NRG3: variants seen among roughly 807,000 people sequenced by gnomAD.
NRG3 encodes the protein neuregulin 3.
In NRG3, 31 loss-of-function variants were observed where a neutral mutation model predicts 66.9. The observed-to-expected ratio is 0.46, with a 90% CI of 0.35 to 0.63. The LOEUF is 0.63. Among genes scored for constraint, NRG3 ranks in the 20% least tolerant of loss-of-function variants. The pLI, the probability that NRG3 is intolerant of heterozygous loss-of-function variation, is 0.00. For synonymous variants in NRG3, 393 were observed against 359.4 expected (o/e 1.09, Z -1.06); for missense variants, 910 against 878.9 (o/e 1.04, Z -0.45).
At chr10:82,178,561 T>C (rs886405229) in intron 1 of NRG3, among the ~76,000 whole-genome samples, 2 of 152,176 alleles carry the variant, frequency 1.3e-5, no homozygotes, top group Non-Finnish European at 2.9e-5. Context: ...AGAATTTTCT[T>C]CTTTTTATGG....
intron 1 of NRG3, among the ~76,000 whole-genome samples, chr10:82,077,204 G>T (rs924539266): frequency 6.6e-6 from 1 of 152,126 alleles, no homozygotes; most frequent in Admixed American, 6.5e-5. Flanking sequence ...ACATTTATTT[G>T]CTGTATAGAA....
intron 1 of NRG3, among the ~76,000 whole-genome samples, chr10:82,117,759 C>A (rs1162696439): frequency 6.6e-6 from 1 of 152,058 alleles, no homozygotes; most frequent in Admixed American, 6.6e-5. Flanking sequence ...AGTTTTGTAG[C>A]CCATGCCTAA....
intron 6 of NRG3, among the ~76,000 whole-genome samples, chr10:82,973,493 T>C (rs1851958122): frequency 1.3e-5 from 2 of 152,316 alleles, no homozygotes; most frequent in Admixed American, 6.5e-5. Context: ...CTTTTGGCTG[T>C]CAGTCATAGT....
chr10:82,265,784 G>A (rs1431526357), intron 1 of NRG3, among the ~76,000 whole-genome samples: 1 of 152,104 alleles, frequency 6.6e-6, no homozygotes, highest in African/African-American at 2.4e-5. Flanking sequence ...TCAGAAGACT[G>A]TAAATGATGG....
chr10:82,618,017 C>A (rs1304375614), intron 2 of NRG3, among the ~76,000 whole-genome samples: 1 of 152,140 alleles, frequency 6.6e-6, no homozygotes, highest in East Asian at 1.9e-4. Context: ...TGTCCCCTGC[C>A]CACCTGGGCT....
At chr10:82,312,024 G>T (rs1399601201) in intron 1 of NRG3, among the ~76,000 whole-genome samples, 1 of 152,188 alleles carries the variant, frequency 6.6e-6, no homozygotes, top group South Asian at 2.1e-4. Flanking sequence ...CTTCAAATGT[G>T]TGAAGATTCA....
rs375127834 is a variant in NRG3, at chr10:82,794,023, A to T, written c.1027+55373A>T. On this transcript the variant is annotated intron_variant, in intron 3 of 8. Transcript: ENST00000372141. ...GCTTTGATTCCCTCAAACTGCCTGA[A>T]CTATTGCTTCAGCTGTGAACAACAC... Among the ~76,000 whole-genome samples, 17 of 152,244 alleles carry T rather than the reference A, an allele frequency of 1.1e-4. No homozygotes were observed. In the East Asian group the frequency reaches 1.4e-3, roughly 12 times the overall value.
At chr10:82,377,449 T>C (rs910413034) in intron 2 of NRG3, among the ~76,000 whole-genome samples, 1 of 128,428 alleles carries the variant, frequency 7.8e-6, no homozygotes, top group African/African-American at 3.9e-5. Context: ...TGTGTGTGTG[T>C]GTGTGTGTGC....
At chr10:82,479,304 A>C in intron 2 of NRG3, among the ~76,000 whole-genome samples, 1 of 152,300 alleles carries the variant, frequency 6.6e-6, no homozygotes, top group Admixed American at 6.5e-5. Context: ...ACGTATATTT[A>C]TATGTAACTA....
chr10:82,422,105 T>C (rs79237171), intron 2 of NRG3, among the ~76,000 whole-genome samples: 1 of 152,216 alleles, frequency 6.6e-6, no homozygotes, highest in East Asian at 1.9e-4. Context: ...CATCCATTGA[T>C]TGTGCAGATT....
intron 2 of NRG3, among the ~76,000 whole-genome samples, chr10:82,576,455 A>G (rs1264623343): frequency 1.3e-5 from 2 of 151,738 alleles, no homozygotes; most frequent in East Asian, 3.9e-4. Context: ...CCAAAAGGCA[A>G]GCAGAACCAT....
chr10:82,234,951 A>G lies in NRG3; in HGVS notation c.824-123788A>G, dbSNP rs565523459. Among the ~76,000 whole-genome samples, 13 of 152,372 alleles carry G rather than the reference A, an allele frequency of 8.5e-5. No homozygotes were observed. In the South Asian group the frequency reaches 1.0e-3, roughly 12 times the overall value. ...ATGTGTTTGTATTTCTTATTTTGGC[A>G]GAAACACTCAAGAGAAGGGGCTTCA... is the stretch of plus-strand genomic sequence containing the variant. On this transcript the variant is annotated intron_variant, in intron 1 of 8. Transcript: ENST00000372141.
intron 3 of NRG3, among the ~76,000 whole-genome samples, chr10:82,772,372 A>G (rs893539471): frequency 7.9e-5 from 12 of 152,036 alleles, no homozygotes; most frequent in Admixed American, 1.3e-4. Flanking sequence ...TCTTAGTACA[A>G]TACAATTTTA....
intron 2 of NRG3, among the ~76,000 whole-genome samples, chr10:82,361,044 A>G (rs2084105155): frequency 6.6e-6 from 1 of 152,198 alleles, no homozygotes; most frequent in Non-Finnish European, 1.5e-5. Context: ...ATTCTGAGGA[A>G]CTGGAGTTTA....
chr10:82,682,426 T>A (rs1487352424), intron 2 of NRG3, among the ~76,000 whole-genome samples: 1 of 152,066 alleles, frequency 6.6e-6, no homozygotes, highest in Non-Finnish European at 1.5e-5. Flanking sequence ...GATAGATAGA[T>A]AGATAGATAG....
At chr10:82,856,413 G>T (rs562111932) in intron 3 of NRG3, among the ~76,000 whole-genome samples, 5 of 152,146 alleles carry the variant, frequency 3.3e-5, no homozygotes, top group South Asian at 2.1e-4. Flanking sequence ...ATGGGGCTCA[G>T]TTGCACTACT....
At chr10:82,607,727 C>T (rs1234518418) in intron 2 of NRG3, among the ~76,000 whole-genome samples, 1 of 151,964 alleles carries the variant, frequency 6.6e-6, no homozygotes, top group African/African-American at 2.4e-5. Flanking sequence ...CCTCTCTTAG[C>T]ATATTAATTA....
In NRG3 at chr10:82,056,693, A is replaced by G. The variant is rs1341269664; in HGVS notation, c.823+180530A>G. Among the ~76,000 whole-genome samples the G allele has an allele frequency of 2.0e-5, 3 of 152,114 alleles. No individual in the cohort carries two copies. In the East Asian group the frequency reaches 5.8e-4, roughly 29 times the overall value. On this transcript the variant is annotated intron_variant, in intron 1 of 8. Coordinates refer to ENST00000372141, the MANE Select transcript of NRG3 (RefSeq NM_001010848.4). ...AACAGTCTAGTTGGGGTTAGCTCTG[A>G]GTTTTTGTTTAAATAGAAATGTTTT...
chr10:82,778,431 A>G (rs1218520759), intron 3 of NRG3, among the ~76,000 whole-genome samples: 1 of 152,180 alleles, frequency 6.6e-6, no homozygotes, highest in Non-Finnish European at 1.5e-5. Context: ...GGAGAAGCAG[A>G]CACCTTCTTC....
Sources: gnomAD v4.1 joint callset for allele counts (sites outside exome capture counted in the v4.1 genomes callset) on GRCh38, gnomAD v4.1.1 for gene constraint, MANE v1.5 for transcripts, NCBI Gene and HGNC (gene_info 2026-07-23, HGNC 2026-07-21) for gene names.